LAMA2: variants seen among roughly 807,000 people sequenced by gnomAD.
LAMA2 encodes laminin subunit alpha-2.
In LAMA2, 269 loss-of-function variants were observed where a neutral mutation model predicts 364.8. The ratio of observed to expected loss-of-function variants is 0.74; its 90% confidence interval spans 0.67 to 0.82. The LOEUF is 0.82. LAMA2 is among the 40% of genes least tolerant of loss of function. The pLI is 0.00. For missense variants in LAMA2, 3,807 were observed against 3,873.2 expected (o/e 0.98, Z 0.45); for synonymous variants, 1,379 against 1,370.6 (o/e 1.01, Z -0.14).
chr6:129,208,669 G>C (rs570477468), intron 12 of LAMA2, among the ~76,000 whole-genome samples: 4 of 119,488 alleles, frequency 3.3e-5, no homozygotes, highest in African/African-American at 1.5e-4. Flanking sequence ...GAGAAAGAAA[G>C]AGAAAGAGAA....
intron 29 of LAMA2, among the ~76,000 whole-genome samples, chr6:129,340,430 T>G (rs1363140569): frequency 6.6e-6 from 1 of 151,986 alleles, no homozygotes; most frequent in Non-Finnish European, 1.5e-5. Flanking sequence ...GTGGAGTAGC[T>G]TCAGACAAAG....
At chr6:129,512,564 T>C in intron 63 of LAMA2, 71 bp downstream of exon 63, 1 of 1,540,192 alleles carries the variant, frequency 6.5e-7, no homozygotes, top group Non-Finnish European at 9.0e-7. Context: ...CATCCATGTG[T>C]GGGAAACTCG....
In LAMA2 at chr6:129,300,717, C is replaced by T. The variant is rs774804507; in HGVS notation, c.3038-19C>T. ...TACTATTTTTCCCCTTCTTTGTTTT[C>T]CCTCTTATACCGGTGAAGCTTGTGA... On this transcript the variant is annotated intron_variant, in intron 21 of 64. Transcript: ENST00000421865. The T allele has an allele frequency of 3.1e-6, 5 of 1,613,044 alleles. No homozygotes were observed. The highest frequency in any genetic ancestry group is 3.4e-6 in the Non-Finnish European group (4 of 1,179,226).
At chr6:129,483,226 A>G (rs561359493) in intron 55 of LAMA2, among the ~76,000 whole-genome samples, 2 of 69,004 alleles carry the variant, frequency 2.9e-5, no homozygotes, top group East Asian at 3.9e-4. Context: ...GCCATCTATA[A>G]AAAAAAAACT....
rs575872180 is a variant in LAMA2, at chr6:129,514,727, A to T, written c.9211+132A>T. 3.1e-5 allele frequency: 24 copies of T among 770,908 alleles called. No homozygotes were observed. In the South Asian group the frequency reaches 3.6e-4, roughly 12 times the overall value. 47.8% of individuals were successfully genotyped at this position (770,908 alleles called of 1,614,324 possible). ...CTTCCTAGCTTTAGAATCTGCTTAG[A>T]ATCTGCACCTTACCTAAAATTTCCA... On this transcript the variant is annotated intron_variant, in intron 64 of 64. Coordinates refer to ENST00000421865, the MANE Select transcript of LAMA2 (RefSeq NM_000426.4).
At chr6:128,936,797 G>C (rs1779841985) in intron 1 of LAMA2, among the ~76,000 whole-genome samples, 1 of 152,198 alleles carries the variant, frequency 6.6e-6, no homozygotes, top group African/African-American at 2.4e-5. Context: ...CATAGGCATT[G>C]TAACATAAAG....
chr6:129,304,200 A>G (rs2114470995), intron 22 of LAMA2, among the ~76,000 whole-genome samples: 1 of 152,328 alleles, frequency 6.6e-6, no homozygotes, highest in South Asian at 2.1e-4. Context: ...AACTTGCATG[A>G]AAAGAACATT....
intron 14 of LAMA2, among the ~76,000 whole-genome samples, chr6:129,259,934 G>A (rs1787005307): frequency 6.6e-6 from 1 of 152,068 alleles, no homozygotes; most frequent in Non-Finnish European, 1.5e-5. Flanking sequence ...AATAGGAAAA[G>A]CAAGTAAGAT....
Position 129,251,076 on chromosome 6 carries a change from CTATATATATATATA to C in LAMA2, c.1884+879_1884+892del, listed in dbSNP as rs71714357. 8.0e-5 allele frequency among the ~76,000 whole-genome samples: 4 copies of C among 49,802 alleles called. No homozygotes were observed. In the South Asian group the frequency reaches 3.4e-3, roughly 43 times the overall value. The allele number at this position is 49,802 out of a possible 152,430, so 32.7% of individuals were successfully genotyped here. ...TCTCTCTCTCTCTCTCTCTCTCTCT[CTATATATATATATA>C]TATATATATATATATGGCAACTAGA... On this transcript the variant is annotated intron_variant, in intron 13 of 64. Transcript: ENST00000421865.
At chr6:129,128,495 C>T (rs1027514153) in intron 4 of LAMA2, among the ~76,000 whole-genome samples, 3 of 151,946 alleles carry the variant, frequency 2.0e-5, no homozygotes, top group Non-Finnish European at 4.4e-5. Flanking sequence ...GTTGTGGTTC[C>T]GTGCGATTTT....
intron 54 of LAMA2, among the ~76,000 whole-genome samples, chr6:129,479,080 T>C (rs759557413): frequency 5.3e-5 from 8 of 152,206 alleles, no homozygotes; most frequent in Non-Finnish European, 1.0e-4. Context: ...TCTGTTTTTC[T>C]CTTTTTTTCC....
Position 129,475,446 on chromosome 6 carries a change from G to A in LAMA2, c.7451+45G>A, listed in dbSNP as rs1410757063. Reference sequence around the variant, plus strand: ...ATGCCTTCTTCGAGTGCATGGGTTGGGTAAATGTGGCTTCTTAGATAAAGC... The same window carrying A: ...ATGCCTTCTTCGAGTGCATGGGTTGAGTAAATGTGGCTTCTTAGATAAAGC... On this transcript the variant is annotated intron_variant, in intron 53 of 64. Coordinates refer to ENST00000421865, the MANE Select transcript of LAMA2 (RefSeq NM_000426.4). The A allele has an allele frequency of 6.7e-6, 10 of 1,483,004 alleles. No individual in the cohort carries two copies. The Admixed American group carries it at 1.7e-4, about 25-fold the overall frequency. The allele number at this position is 1,483,004 out of a possible 1,614,324, so 91.9% of individuals were successfully genotyped here. A position where few individuals can be genotyped will look rare whatever the true frequency, so the allele number is the denominator to read the frequency against.
intron 10 of LAMA2, among the ~76,000 whole-genome samples, chr6:129,181,943 T>G (rs1254424021): frequency 6.6e-6 from 1 of 151,486 alleles, no homozygotes; most frequent in Non-Finnish European, 1.5e-5. Flanking sequence ...TTATTGTGAG[T>G]GTTTACCACT....
At chr6:129,442,982 A>G in intron 43 of LAMA2, 81 bp from the exon 44 acceptor site, 1 of 1,029,848 alleles carries the variant, frequency 9.7e-7, no homozygotes, top group Non-Finnish European at 1.5e-6. Context: ...TTTAGTCACT[A>G]CTTTATAATA....
chr6:129,093,154 T>G (rs1170910580), intron 3 of LAMA2, among the ~76,000 whole-genome samples: 3 of 151,990 alleles, frequency 2.0e-5, no homozygotes, highest in African/African-American at 7.2e-5. Context: ...GACTAATTTT[T>G]TTTTTTTGTA....
rs763426547 is a variant in LAMA2 at position 129,315,570 on chromosome 6, T to C, written c.3650T>C (p.Ile1217Thr). The change falls in exon 25 of 65, where the codon ATT (isoleucine) becomes ACT (threonine). Residue 1217 changes from isoleucine to threonine, a missense_variant. Around this residue, in one of 3 missense-constraint regions of LAMA2, gnomAD observed 3,333 missense variants for 3,345.7 expected, o/e 1.00. Transcript: ENST00000421865. ...TKGIVFQHPE[I>T]VAHMDLMRED... ...GGCATTGTTTTTCAACATCCAGAGA[T>C]TGTTGCCCACATGGACCTGATGAGA... 1 of 1,614,088 alleles carries C rather than the reference T, an allele frequency of 6.2e-7. No homozygotes were observed. Among genetic ancestry groups the C allele is most frequent in the South Asian group, 1.1e-5 (1 of 91,084 alleles).
chr6:129,289,929 C>G (rs946372810), intron 19 of LAMA2, among the ~76,000 whole-genome samples: 14 of 152,082 alleles, frequency 9.2e-5, no homozygotes, highest in Non-Finnish European at 4.4e-5. Flanking sequence ...TACAATATCA[C>G]TTCTATGCAT....
In LAMA2 at chr6:129,516,318, G is replaced by A. The variant is rs200796753; in HGVS notation, c.9340G>A (p.Val3114Ile). ...TGCCAAGGCCCTGGAACTGAGGGGC[G>A]TTCAACCTGTATCATGCCCAGCCAA... The part of the protein sequence containing the change: ...NFAKALELRG[V>I]QPVSCPAN Residue 3114 changes from valine to isoleucine, a missense_variant, in exon 65 of 65, where the codon GTT becomes ATT. This residue lies in a region of LAMA2 where 3,333 missense variants were observed against 3,345.7 expected (regional missense o/e 1.00). Transcript: ENST00000421865. 292 of 1,614,088 alleles carry A rather than the reference G, an allele frequency of 1.8e-4. 1 individual carries two copies. In the South Asian group the frequency reaches 2.8e-3, roughly 15 times the overall value.
chr6:129,108,129 C>A (rs1775937252), intron 4 of LAMA2, among the ~76,000 whole-genome samples: 1 of 151,810 alleles, frequency 6.6e-6, no homozygotes, highest in Non-Finnish European at 1.5e-5. Flanking sequence ...TTATCTTGCT[C>A]ATTTTTTAAT....
Sources: allele counts gnomAD v4.1 joint callset (sites outside exome capture counted in the v4.1 genomes callset), GRCh38; gene constraint gnomAD v4.1.1; regional missense constraint gnomAD v4.1.1; transcripts MANE v1.5; gene names NCBI Gene and HGNC (gene_info 2026-07-23, HGNC 2026-07-21).